The following UBE4A variants were observed in gnomAD, a reference collection of about 807,000 sequenced individuals.
UBE4A encodes the protein ubiquitin conjugation factor E4 A.
UBE4A carries 48 observed loss-of-function variants against 117.9 expected under a neutral mutation model. The observed-to-expected ratio is 0.41, with a 90% confidence interval of 0.32 to 0.52. The LOEUF is 0.52. Among genes scored for constraint, UBE4A ranks in the 20% least tolerant of loss-of-function variants. The pLI is 0.33. For missense variants in UBE4A, 1,067 were observed against 1,296.3 expected (o/e 0.82, Z 2.72); for synonymous variants, 407 against 450.0 (o/e 0.90, Z 1.21).
chr11:118,398,960 TAA>T lies in UBE4A; in HGVS notation c.*2521_*2522del. On this transcript the variant is annotated 3_prime_UTR_variant, in exon 20 of 20. Coordinates refer to ENST00000252108, the MANE Select transcript of UBE4A (RefSeq NM_001204077.2). ...TGCTAAGCAGCCATTGCACAGAGCATAAGTCTACTGGGTGCCTTTACATGCCA... is the reference window on the plus strand; with the variant it reads ...TGCTAAGCAGCCATTGCACAGAGCATGTCTACTGGGTGCCTTTACATGCCA... 4 of 440,656 alleles carry T rather than the reference TAA, an allele frequency of 9.1e-6. No homozygotes were observed. Among genetic ancestry groups the T allele is most frequent in the South Asian group, 6.4e-5 (4 of 62,532 alleles). 27.3% of individuals were successfully genotyped at this position (440,656 alleles called of 1,614,324 possible). A position where few individuals can be genotyped will look rare whatever the true frequency, so the allele number is the denominator to read the frequency against.
intron 12 of UBE4A, 120 bp downstream of exon 12, chr11:118,381,643 A>G (rs1183929463): frequency 2.2e-6 from 3 of 1,350,484 alleles, no homozygotes; most frequent in Admixed American, 4.7e-5. Flanking sequence ...TTATGGTAAC[A>G]TTAAGGAATC....
In UBE4A at chr11:118,393,657, G is replaced by A. The variant is rs530375608; in HGVS notation, c.3074+762G>A. On this transcript the variant is annotated intron_variant, in intron 19 of 19. Coordinates refer to ENST00000252108, the MANE Select transcript of UBE4A (RefSeq NM_001204077.2). ...GTCACCAAGGCTAGAGTGCAGTGGC[G>A]CGATCTCAGCTCACTGCAAGCTCCG... Among the ~76,000 whole-genome samples the A allele has an allele frequency of 3.3e-5, 5 of 151,646 alleles. No individual in the cohort carries two copies. The South Asian group carries it at 8.4e-4, about 25-fold the overall frequency.
chr11:118,362,313 A>T (rs1359815760), intron 1 of UBE4A, among the ~76,000 whole-genome samples: 1 of 152,098 alleles, frequency 6.6e-6, no homozygotes, highest in East Asian at 1.9e-4. Flanking sequence ...TTAAGTAGAG[A>T]TGGGGTTTCT....
chr11:118,365,710 T>G (rs1428243673), intron 2 of UBE4A, among the ~76,000 whole-genome samples: 3 of 152,206 alleles, frequency 2.0e-5, no homozygotes, highest in East Asian at 1.9e-4. Context: ...GCAAAGTGCT[T>G]CTTCTGTTCC....
At chr11:118,395,272 T>G (rs1555129422) in intron 19 of UBE4A, among the ~76,000 whole-genome samples, 1 of 148,972 alleles carries the variant, frequency 6.7e-6, no homozygotes, top group Non-Finnish European at 1.5e-5. Context: ...AAGGTTGCAG[T>G]CAGCCAAGAT....
intron 8 of UBE4A, among the ~76,000 whole-genome samples, chr11:118,374,230 A>G (rs145541708): frequency 1.3e-5 from 2 of 152,042 alleles, no homozygotes; most frequent in East Asian, 3.9e-4. Flanking sequence ...CTTCTCCCCA[A>G]CCCTCATTTT....
intron 10 of UBE4A, among the ~76,000 whole-genome samples, chr11:118,377,256 G>A (rs1226356416): frequency 1.3e-5 from 2 of 152,156 alleles, no homozygotes; most frequent in African/African-American, 4.8e-5. Context: ...CACCTTGGCT[G>A]GAGTACAGTG....
intron 18 of UBE4A, 25 bp downstream of exon 18, chr11:118,390,829 C>T (rs1948808606): frequency 6.2e-7 from 1 of 1,605,894 alleles, no homozygotes; most frequent in Admixed American, 1.7e-5. Flanking sequence ...GAATTGTTTG[C>T]TGATTTCATT....
At chr11:118,391,050 A>G (rs1488212500) in intron 18 of UBE4A, among the ~76,000 whole-genome samples, 1 of 152,204 alleles carries the variant, frequency 6.6e-6, no homozygotes, top group Non-Finnish European at 1.5e-5. Flanking sequence ...TTGTCACCTC[A>G]GCTGTGCTGA....
intron 8 of UBE4A, 126 bp downstream of exon 8, chr11:118,373,811 C>T (rs1333401963): frequency 8.5e-7 from 1 of 1,180,596 alleles, no homozygotes; most frequent in African/African-American, 1.6e-5. Flanking sequence ...TTTTACATCA[C>T]ATAAATAAAT....
chr11:118,398,960 TA>T lies in UBE4A; in HGVS notation c.*2522del. On this transcript the variant is annotated 3_prime_UTR_variant, in exon 20 of 20. Coordinates refer to ENST00000252108, the MANE Select transcript of UBE4A (RefSeq NM_001204077.2). ...TGCTAAGCAGCCATTGCACAGAGCATAAGTCTACTGGGTGCCTTTACATGCC... is the reference window on the plus strand; with the variant it reads ...TGCTAAGCAGCCATTGCACAGAGCATAGTCTACTGGGTGCCTTTACATGCC... 2.3e-6 allele frequency: 1 copy of T among 440,656 alleles called. No individual in the cohort carries two copies. 27.3% of individuals were successfully genotyped at this position (440,656 alleles called of 1,614,324 possible). A position where few individuals can be genotyped will look rare whatever the true frequency, so the allele number is the denominator to read the frequency against.
rs1357896186 is a variant in UBE4A, at chr11:118,396,553, T to C, written c.*113T>C. 6.9e-6 allele frequency: 9 copies of C among 1,297,156 alleles called. No individual in the cohort carries two copies. Among genetic ancestry groups the C allele is most frequent in the African/African-American group, 4.7e-5 (3 of 63,160 alleles). 80.4% of individuals were successfully genotyped at this position (1,297,156 alleles called of 1,614,324 possible). A position where few individuals can be genotyped will look rare whatever the true frequency, so the allele number is the denominator to read the frequency against. On this transcript the variant is annotated 3_prime_UTR_variant, in exon 20 of 20. Transcript: ENST00000252108. ...TCTTTCTTCTTTTCTTTTTCTTTTT[T>C]TTTTTTTTTTTTACTAAATTAGAGA... is the stretch of plus-strand genomic sequence containing the variant.
At chr11:118,377,447 G>A (rs1423910353) in intron 10 of UBE4A, among the ~76,000 whole-genome samples, 1 of 151,922 alleles carries the variant, frequency 6.6e-6, no homozygotes, top group African/African-American at 2.4e-5. Context: ...GACCTCAGGT[G>A]ATCCACCACC....
chr11:118,368,752 A>G lies in UBE4A; in HGVS notation c.243A>G (p.Gln81=). The change falls in exon 3 of 20, where the codon CAA becomes CAG. Residue 81 remains glutamine (Q), a synonymous_variant. Coordinates refer to ENST00000252108, the MANE Select transcript of UBE4A (RefSeq NM_001204077.2). ...GATCACAGCAGGAAATATGTGAGCA[A>G]CTCAACATCAATCACATGATCCAAA... is the stretch of plus-strand genomic sequence containing the variant. ...SFRSQQEICE[Q]LNINHMIQRI... is the part of the protein sequence containing the mutation. 1.2e-6 allele frequency: 2 copies of G among 1,614,196 alleles called. No individual in the cohort carries two copies. Among genetic ancestry groups the G allele is most frequent in the Non-Finnish European group, 1.7e-6 (2 of 1,180,022 alleles).
At position 118,390,697 on chromosome 11, in the gene UBE4A, C is replaced by T. The variant is rs1948807116; in HGVS notation, c.2809C>T (p.Arg937Cys). 5 of 1,564,976 alleles carry T rather than the reference C, an allele frequency of 3.2e-6. No individual in the cohort carries two copies. The highest frequency in any genetic ancestry group is 1.4e-5 in the African/African-American group (1 of 71,382). The change falls in exon 18 of 20, where the codon CGT (arginine) becomes TGT (cysteine). Residue 937 changes from arginine to cysteine, a missense_variant. Arg to Cys is a radical substitution (Grantham distance 180). This residue lies in a region of UBE4A where 1,001 missense variants were observed against 1,184.0 expected (regional missense o/e 0.85). Coordinates refer to ENST00000252108, the MANE Select transcript of UBE4A (RefSeq NM_001204077.2). ...NFCATVPKDG[R>C]SYSPTLFAQT... ...CTGTGCCACTGTGCCCAAGGATGGA[C>T]GTTCCTATTCCCCAACTCTCTTTGC... is the stretch of plus-strand genomic sequence containing the variant.
In UBE4A at chr11:118,399,005, G is replaced by C. The variant is rs554260357; in HGVS notation, c.*2565G>C. 47 of 456,412 alleles carry C rather than the reference G, an allele frequency of 1.0e-4. 1 individual carries two copies. Among genetic ancestry groups the C allele is most frequent in the Admixed American group, 8.9e-4 (38 of 42,544 alleles). The allele number at this position is 456,412 out of a possible 1,614,324, so 28.3% of individuals were successfully genotyped here. On this transcript the variant is annotated 3_prime_UTR_variant, in exon 20 of 20. Transcript: ENST00000252108. ...ACATGCCAGAGGCTGATGCTGCACT[G>C]TTGATGTCATGTGAGGAAATAATGC...
intron 1 of UBE4A, among the ~76,000 whole-genome samples, chr11:118,360,338 C>CA (rs1205100427): frequency 6.6e-6 from 1 of 152,142 alleles, no homozygotes; most frequent in Non-Finnish European, 1.5e-5. Flanking sequence ...GTTTTGGTCT[C>CA]ACGTGGAAGC....
intron 16 of UBE4A, among the ~76,000 whole-genome samples, chr11:118,387,479 A>G (rs539868184): frequency 6.6e-6 from 1 of 152,302 alleles, no homozygotes; most frequent in Admixed American, 6.5e-5. Flanking sequence ...AAATTAGAAG[A>G]GAAAGGATAA....
chr11:118,370,083 C>T (rs900192994), intron 4 of UBE4A, among the ~76,000 whole-genome samples: 8 of 146,898 alleles, frequency 5.4e-5, no homozygotes, highest in African/African-American at 2.0e-4. Flanking sequence ...CAGAGCAAGA[C>T]TCCGTCTCAA....
Sources: gnomAD v4.1 joint callset for allele counts (sites outside exome capture counted in the v4.1 genomes callset) on GRCh38, gnomAD v4.1.1 for gene constraint, gnomAD v4.1.1 regional missense constraint, MANE v1.5 for transcripts, NCBI Gene and HGNC (gene_info 2026-07-23, HGNC 2026-07-21) for gene names.